The following MAGI1 variants were observed in gnomAD, a reference collection of about 807,000 sequenced individuals.
The protein encoded by MAGI1 is membrane associated guanylate kinase, WW and PDZ domain containing 1, also known as membrane-associated guanylate kinase, WW and PDZ domain-containing protein 1.
Under a neutral mutation model 139.9 loss-of-function variants are expected in MAGI1, and 58 were observed. That is an observed-to-expected ratio of 0.41 (90% confidence interval 0.34 to 0.52). The LOEUF is 0.52. Among genes scored for constraint, MAGI1 ranks in the 20% least tolerant of loss-of-function variants. The pLI is 0.12. For synonymous variants in MAGI1, 812 were observed against 737.9 expected (o/e 1.10, Z -1.63); for missense variants, 1,874 against 1,901.6 (o/e 0.99, Z 0.27).
At chr3:65,927,555 A>G (rs1207156510) in intron 1 of MAGI1, among the ~76,000 whole-genome samples, 1 of 152,242 alleles carries the variant, frequency 6.6e-6, no homozygotes, top group East Asian at 1.9e-4. Flanking sequence ...TCACAAATGC[A>G]GATTTATTTG....
intron 1 of MAGI1, among the ~76,000 whole-genome samples, chr3:65,862,393 TC>T (rs776230578): frequency 6.6e-6 from 1 of 152,180 alleles, no homozygotes; most frequent in Non-Finnish European, 1.5e-5. Flanking sequence ...ACTCATGCCT[TC>T]CCCATGAGCC....
At chr3:65,813,636 A>T (rs574656387) in intron 1 of MAGI1, among the ~76,000 whole-genome samples, 1 of 152,340 alleles carries the variant, frequency 6.6e-6, no homozygotes, top group African/African-American at 2.4e-5. Context: ...TCTCTTTAAC[A>T]TATGTATCAT....
rs1484517252 is a variant in MAGI1, at chr3:65,802,597, A to G, written c.314-180509T>C. Among the ~76,000 whole-genome samples, 3 of 152,164 alleles carry G rather than the reference A, an allele frequency of 2.0e-5. No homozygotes were observed. The East Asian group carries it at 5.8e-4, about 29-fold the overall frequency. ...GTGGCTCTTGCAAATTGTTCATATC[A>G]ATTCAGTTCAATTATCTGGTAGCAA... On this transcript the variant is annotated intron_variant, in intron 1 of 22. Coordinates refer to ENST00000402939, the MANE Select transcript of MAGI1 (RefSeq NM_001033057.2).
At chr3:65,872,811 G>A (rs2059983854) in intron 1 of MAGI1, 1 of 152,168 alleles carries the variant, frequency 6.6e-6, no homozygotes, top group Non-Finnish European at 1.5e-5. Flanking sequence ...AGACATAAAA[G>A]AGTACATACC....
At chr3:65,395,859 C>A (rs1210883908) in intron 13 of MAGI1, among the ~76,000 whole-genome samples, 1 of 151,620 alleles carries the variant, frequency 6.6e-6, no homozygotes, top group Non-Finnish European at 1.5e-5. Context: ...CAACATGTTT[C>A]CAGAAAGTTT....
At chr3:65,509,618 C>T (rs537447716) in intron 2 of MAGI1, among the ~76,000 whole-genome samples, 4 of 152,330 alleles carry the variant, frequency 2.6e-5, no homozygotes, top group African/African-American at 4.8e-5. Context: ...AGGCGAACCA[C>T]GAGATTATAT....
At chr3:65,961,784 A>G (rs929426414) in intron 1 of MAGI1, among the ~76,000 whole-genome samples, 4 of 152,194 alleles carry the variant, frequency 2.6e-5, no homozygotes, top group South Asian at 2.1e-4. Flanking sequence ...AAACTTTCCA[A>G]TAAAGACAGA....
At chr3:65,562,822 AATT>A (rs2080424717) in intron 2 of MAGI1, among the ~76,000 whole-genome samples, 1 of 152,214 alleles carries the variant, frequency 6.6e-6, no homozygotes, top group South Asian at 2.1e-4. Flanking sequence ...AATCATATAA[AATT>A]ATTCATATGT....
chr3:65,780,217 T>C (rs1410358136), intron 1 of MAGI1, among the ~76,000 whole-genome samples: 1 of 152,158 alleles, frequency 6.6e-6, no homozygotes, highest in African/African-American at 2.4e-5. Context: ...AGTGACTGTG[T>C]TTTGCCATGT....
intron 2 of MAGI1, among the ~76,000 whole-genome samples, chr3:65,565,986 T>G (rs1360997002): frequency 6.6e-6 from 1 of 152,086 alleles, no homozygotes; most frequent in Non-Finnish European, 1.5e-5. Flanking sequence ...AAGTTTGTGG[T>G]GGCTCACGCC....
intron 1 of MAGI1, among the ~76,000 whole-genome samples, chr3:65,996,552 G>T (rs1560094527): frequency 1.3e-5 from 2 of 148,628 alleles, no homozygotes; most frequent in Non-Finnish European, 3.0e-5. Flanking sequence ...GGGGGGGGGG[G>T]GGAAGCGAGC....
At chr3:65,633,477 G>A (rs369105843) in intron 1 of MAGI1, among the ~76,000 whole-genome samples, 2 of 152,242 alleles carry the variant, frequency 1.3e-5, no homozygotes, top group East Asian at 1.9e-4. Flanking sequence ...CTCCCCACAT[G>A]AGCAAGCATG....
intron 1 of MAGI1, among the ~76,000 whole-genome samples, chr3:65,880,668 C>G (rs2060289374): frequency 6.6e-6 from 1 of 152,040 alleles, no homozygotes; most frequent in Admixed American, 6.6e-5. Context: ...CGGCTGACAA[C>G]TAGATTCCAC....
intron 1 of MAGI1, among the ~76,000 whole-genome samples, chr3:65,774,008 C>T (rs1448062934): frequency 2.6e-5 from 4 of 151,302 alleles, no homozygotes; most frequent in African/African-American, 4.9e-5. Context: ...AGGTTTATTA[C>T]AGAAATTACA....
intron 12 of MAGI1, among the ~76,000 whole-genome samples, chr3:65,424,477 A>G (rs1332401655): frequency 2.0e-5 from 3 of 152,138 alleles, no homozygotes; most frequent in African/African-American, 7.2e-5. Context: ...CAGACCCTGA[A>G]ATTATTTAGC....
rs200313267 is a variant in MAGI1, at chr3:65,518,768, C to A, written c.431-25137G>T. On this transcript the variant is annotated intron_variant, in intron 2 of 22. Coordinates refer to ENST00000402939, the MANE Select transcript of MAGI1 (RefSeq NM_001033057.2). ...GTAATGTTGAAGACGGTAGATGCAG[C>A]AAAAAAAAAATAAATAAATAAACCG... 4.4e-4 allele frequency among the ~76,000 whole-genome samples: 66 copies of A among 150,012 alleles called. 1 individual carries two copies. Among genetic ancestry groups the A allele is most frequent in the African/African-American group, 1.4e-3 (59 of 40,754 alleles).
intron 1 of MAGI1, among the ~76,000 whole-genome samples, chr3:65,795,696 T>TACATACACACACACAC (rs1553708465): frequency 7.2e-6 from 1 of 138,930 alleles, no homozygotes; most frequent in Non-Finnish European, 1.5e-5. Flanking sequence ...GATGATAAGA[T>TACATACACACACACAC]ACACACACAC....
chr3:65,590,039 C>T (rs1453633743), intron 2 of MAGI1, among the ~76,000 whole-genome samples: 4 of 152,144 alleles, frequency 2.6e-5, no homozygotes, highest in Admixed American at 1.3e-4. Context: ...TTGATATACA[C>T]ATGGTTGCGT....
intron 1 of MAGI1, among the ~76,000 whole-genome samples, chr3:65,696,677 C>A (rs6765372): frequency 0.12 from 18,301 of 151,696 alleles, 1,640 homozygotes; most frequent in East Asian, 0.47. Flanking sequence ...TGTGGCAATA[C>A]AATAAAATAA....
Sources: gnomAD v4.1 joint callset for allele counts (sites outside exome capture counted in the v4.1 genomes callset) on GRCh38, gnomAD v4.1.1 for gene constraint, MANE v1.5 for transcripts, NCBI Gene and HGNC (gene_info 2026-07-23, HGNC 2026-07-21) for gene names.